RFC3: variants seen among roughly 807,000 people sequenced by gnomAD.
RFC3 encodes replication factor C subunit 3.
Under a neutral mutation model 45.1 loss-of-function variants are expected in RFC3, and 41 were observed. The observed-to-expected ratio is 0.91, with a 90% confidence interval of 0.71 to 1.18. The LOEUF (loss-of-function observed/expected upper bound fraction) is 1.18. RFC3 is among the 50% of genes most tolerant of loss of function. The probability of loss-of-function intolerance (pLI) is 0.00; values close to 1 mark genes in which losing one functional copy is unlikely to be tolerated. For synonymous variants in RFC3, 149 were observed against 144.0 expected, an observed-to-expected ratio of 1.03 and a Z score of -0.25; for missense variants, 423 against 428.1, an observed-to-expected ratio of 0.99 and a Z score of 0.10.
intron 8 of RFC3, among the ~76,000 whole-genome samples, chr13:33,895,511 A>G (rs180990125): frequency 0.015 from 2,357 of 152,306 alleles, 30 homozygotes; most frequent in Middle Eastern, 0.041. Flanking sequence ...TGGATGTGGT[A>G]AAAAGGGAAC....
rs2082152833 is a variant in RFC3 at position 33,836,224 on chromosome 13, G to A, written c.1000G>A (p.Ala334Thr). The A allele has an allele frequency of 6.2e-7, 1 of 1,613,446 alleles. No homozygotes were observed. Among genetic ancestry groups the A allele is most frequent in the Non-Finnish European group, 8.5e-7 (1 of 1,179,590 alleles). The change falls in exon 9 of 9, where the codon GCG becomes ACG. Residue 334 changes from alanine to threonine, a missense_variant. By Grantham distance (58) the Ala-to-Thr change is moderately conservative. Coordinates refer to ENST00000380071, the MANE Select transcript of RFC3 (RefSeq NM_002915.4). Reference protein sequence around the residue: ...LGSKAIYHLEAFVAKFMALYK... With the variant: ...LGSKAIYHLETFVAKFMALYK... ...TAGCAAAGCCATTTATCACTTGGAA[G>A]CGTTTGTGGCCAAATTCATGGCACT... is the stretch of plus-strand genomic sequence containing the variant.
At chr13:33,916,542 T>C (rs1425551833) in intron 8 of RFC3, among the ~76,000 whole-genome samples, 1 of 152,102 alleles carries the variant, frequency 6.6e-6, no homozygotes, top group Non-Finnish European at 1.5e-5. Flanking sequence ...TGAAATGTGA[T>C]GATGCAGAAT....
intron 8 of RFC3, among the ~76,000 whole-genome samples, chr13:33,902,059 T>C (rs7336124): frequency 0.18 from 27,064 of 151,928 alleles, 5,217 homozygotes; most frequent in African/African-American, 0.48. Context: ...AAAGCTGTGA[T>C]GGTGGAATAA....
chr13:33,869,233 G>A (rs2082392531), intron 8 of RFC3, among the ~76,000 whole-genome samples: 2 of 152,074 alleles, frequency 1.3e-5, no homozygotes, highest in Admixed American at 6.5e-5. Flanking sequence ...ATATCCTTTT[G>A]GCAAATGCCT....
chr13:33,878,237 A>T (rs939820730), intron 8 of RFC3, among the ~76,000 whole-genome samples: 3 of 152,244 alleles, frequency 2.0e-5, no homozygotes, highest in East Asian at 3.8e-4. Flanking sequence ...GATAACAAGC[A>T]TACAAAAATA....
intron 8 of RFC3, among the ~76,000 whole-genome samples, chr13:33,904,826 C>G (rs1246299518): frequency 6.6e-6 from 1 of 152,078 alleles, no homozygotes; most frequent in Non-Finnish European, 1.5e-5. Flanking sequence ...AACACATTCC[C>G]CATGGCCAAA....
intron 8 of RFC3, among the ~76,000 whole-genome samples, chr13:33,936,813 C>T (rs1205425292): frequency 6.6e-6 from 1 of 152,018 alleles, no homozygotes; most frequent in East Asian, 1.9e-4. Context: ...ACAGTTATGG[C>T]ACCCATAAAG....
exon 9 of RFC3, chr13:33,966,177 A>T: frequency 6.9e-7 from 1 of 1,445,034 alleles, no homozygotes; most frequent in South Asian, 1.1e-5. Flanking sequence ...ATCTTTTAGC[A>T]TGTGAAGTTT....
At chr13:33,915,816 TGA>T (rs2082729522) in intron 8 of RFC3, among the ~76,000 whole-genome samples, 1 of 152,044 alleles carries the variant, frequency 6.6e-6, no homozygotes, top group African/African-American at 2.4e-5. Context: ...ATATATATTT[TGA>T]GAGAGAGTCT....
chr13:33,847,682 A>G (rs917907605), intron 8 of RFC3: 2 of 151,844 alleles, frequency 1.3e-5, no homozygotes, highest in African/African-American at 4.8e-5. Context: ...CATATTGCCT[A>G]CATTTTCTTA....
At chr13:33,973,584 A>G in the RFC3 span, among the ~76,000 whole-genome samples, 3 of 151,464 alleles carry the variant, frequency 2.0e-5, no homozygotes, top group South Asian at 4.2e-4. Context: ...TATAAAAGTC[A>G]TTTTCAACTC....
intron 8 of RFC3, among the ~76,000 whole-genome samples, chr13:33,926,373 A>T (rs150046307): frequency 0.15 from 23,235 of 151,902 alleles, 2,276 homozygotes; most frequent in Admixed American, 0.24. Context: ...ATAAATAAAT[A>T]AATTAAAAAA....
chr13:33,965,477 G>C (rs144598292), intron 8 of RFC3, among the ~76,000 whole-genome samples: 11 of 152,232 alleles, frequency 7.2e-5, no homozygotes, highest in African/African-American at 2.4e-4. Flanking sequence ...GTAGCTTTGT[G>C]TAAGTACACC....
At chr13:33,968,849 C>T (rs1358044947), downstream of RFC3, among the ~76,000 whole-genome samples, 2 of 152,178 alleles carry the variant, frequency 1.3e-5, no homozygotes, top group African/African-American at 4.8e-5. Context: ...AGAAGAGACA[C>T]AGAACAAGGC....
At chr13:33,974,724 G>A in the RFC3 span, among the ~76,000 whole-genome samples, 19 of 152,278 alleles carry the variant, frequency 1.2e-4, no homozygotes, top group Middle Eastern at 6.8e-3. Flanking sequence ...ATGAGCAAAA[G>A]TGTAGACACT....
chr13:33,947,097 C>A (rs1312899037), intron 8 of RFC3, among the ~76,000 whole-genome samples: 1 of 152,200 alleles, frequency 6.6e-6, no homozygotes, highest in East Asian at 1.9e-4. Flanking sequence ...GCTTATAATG[C>A]AACATACATG....
rs1274107629 is a variant in RFC3, at chr13:33,964,298, TTTAAAA to T, written c.880-1788_880-1783del. Among the ~76,000 whole-genome samples, 6 of 152,188 alleles carry T rather than the reference TTTAAAA, an allele frequency of 3.9e-5. No individual in the cohort carries two copies. The South Asian group carries it at 1.2e-3, about 32-fold the overall frequency. On this transcript the variant is annotated intron_variant, in intron 8 of 8. Transcript: ENST00000434425. ...AATGGGTATTCCAAAGCCTAGACTTTTTAAAAGCAATTATCAATCATAAGCTATAAT... is the reference window on the plus strand; with the variant it reads ...AATGGGTATTCCAAAGCCTAGACTTTGCAATTATCAATCATAAGCTATAAT...
At chr13:33,900,198 C>T (rs1004980034) in intron 8 of RFC3, among the ~76,000 whole-genome samples, 4 of 151,612 alleles carry the variant, frequency 2.6e-5, no homozygotes, top group African/African-American at 9.7e-5. Context: ...TATATGAAAC[C>T]ACAAAAGACT....
downstream of RFC3, among the ~76,000 whole-genome samples, chr13:33,840,598 GT>G (rs149732716): frequency 8.3e-4 from 6 of 7,270 alleles, no homozygotes; most frequent in Admixed American, 1.7e-3. Flanking sequence ...TTTTGTGTGT[GT>G]TTTTTTTTAA....
Sources: gnomAD v4.1 joint callset for allele counts (sites outside exome capture counted in the v4.1 genomes callset) on GRCh38, gnomAD v4.1.1 for gene constraint, MANE v1.5 for transcripts, NCBI Gene and HGNC (gene_info 2026-07-23, HGNC 2026-07-21) for gene names.